The following NIPSNAP1 variants were observed in gnomAD, a reference collection of about 807,000 sequenced individuals.
NIPSNAP1 encodes nipsnap homolog 1.
NIPSNAP1 carries 25 observed loss-of-function variants against 49.2 expected under a neutral mutation model. The observed-to-expected ratio is 0.51, with a 90% CI of 0.37 to 0.71. The LOEUF (loss-of-function observed/expected upper bound fraction) is 0.71. Among genes scored for constraint, NIPSNAP1 ranks in the 30% least tolerant of loss-of-function variants. The pLI, the probability that NIPSNAP1 is intolerant of heterozygous loss-of-function variation, is 0.00. For missense variants in NIPSNAP1, 294 were observed against 361.0 expected, an observed-to-expected ratio of 0.81 and a Z score of 1.50; for synonymous variants, 143 against 140.7, an observed-to-expected ratio of 1.02 and a Z score of -0.12.
intron 1 of NIPSNAP1, among the ~76,000 whole-genome samples, chr22:29,574,554 G>A (rs768743254): frequency 3.3e-5 from 5 of 151,834 alleles, no homozygotes; most frequent in African/African-American, 2.4e-5. Flanking sequence ...CGAGGCGGGC[G>A]GATTGCCTGA....
chr22:29,580,101 C>A (rs1040049646), intron 1 of NIPSNAP1: 1 of 1,304,122 alleles, frequency 7.7e-7, no homozygotes, highest in South Asian at 1.2e-5. Context: ...GGCCTCACTT[C>A]TTTGGTAAAT....
intron 1 of NIPSNAP1, among the ~76,000 whole-genome samples, chr22:29,576,615 G>C (rs2064454257): frequency 6.6e-6 from 1 of 151,232 alleles, no homozygotes; most frequent in Non-Finnish European, 1.5e-5. Context: ...AAGCTGAAAA[G>C]TATGAAACAA....
At chr22:29,561,721 G>T in intron 5 of NIPSNAP1, 71 bp downstream of exon 5, 1 of 1,613,488 alleles carries the variant, frequency 6.2e-7, no homozygotes, top group Non-Finnish European at 8.5e-7. Context: ...TGGGGTAGCA[G>T]AGTAGTCCCC....
chr22:29,568,470 G>A (rs1029349566), intron 4 of NIPSNAP1, among the ~76,000 whole-genome samples: 5 of 133,764 alleles, frequency 3.7e-5, no homozygotes, highest in Admixed American at 3.3e-4. Flanking sequence ...GTGACAGAGC[G>A]AGACCCTGTC....
Position 29,569,354 on chromosome 22 carries a change from A to G in NIPSNAP1, c.273-67T>C, listed in dbSNP as rs990927073. The G allele has an allele frequency of 8.2e-6, 10 of 1,214,676 alleles. No individual in the cohort carries two copies. In the African/African-American group the frequency reaches 1.5e-4, roughly 18 times the overall value. The allele number at this position is 1,214,676 out of a possible 1,614,324, so 75.2% of individuals were successfully genotyped here. A position where few individuals can be genotyped will look rare whatever the true frequency, so the allele number is the denominator to read the frequency against. On this transcript the variant is annotated intron_variant, in intron 3 of 9. Transcript: ENST00000216121. ...CCAGGGCCTCTGAGATAAGGGTTCA[A>G]ACTCAGTTCAAACAGACCCTGGGGC...
At chr22:29,558,672 TATC>T (rs1259777737) in intron 9 of NIPSNAP1, among the ~76,000 whole-genome samples, 195 bp downstream of exon 9, 1 of 152,060 alleles carries the variant, frequency 6.6e-6, no homozygotes, top group African/African-American at 2.4e-5. Flanking sequence ...CTGGCTATGT[TATC>T]ATCCCCTAGA....
intron 7 of NIPSNAP1, 77 bp from the exon 8 acceptor site, chr22:29,560,905 T>C: frequency 2.2e-6 from 3 of 1,358,946 alleles, no homozygotes; most frequent in Non-Finnish European, 3.2e-6. Flanking sequence ...TTGGCCACAC[T>C]TCACAGGAGG....
chr22:29,573,320 C>T (rs572633594), intron 1 of NIPSNAP1, among the ~76,000 whole-genome samples: 1 of 152,154 alleles, frequency 6.6e-6, no homozygotes, highest in South Asian at 2.1e-4. Context: ...CAAGCATGAG[C>T]CACTGCGCTG....
At chr22:29,565,950 A>C (rs2146607384) in intron 4 of NIPSNAP1, among the ~76,000 whole-genome samples, 1 of 152,344 alleles carries the variant, frequency 6.6e-6, no homozygotes, top group East Asian at 1.9e-4. Context: ...CAAAGGATGA[A>C]ATAGATTGGC....
chr22:29,556,026 A>C lies in NIPSNAP1; in HGVS notation c.791-27T>G, dbSNP rs548223685. 17 of 1,539,586 alleles carry C rather than the reference A, an allele frequency of 1.1e-5. No individual in the cohort carries two copies. In the South Asian group the frequency reaches 1.9e-4, roughly 17 times the overall value. On this transcript the variant is annotated intron_variant, in intron 9 of 9. Transcript: ENST00000216121. ...TGCGGAGAGAGAAGGCAGAGGTCAC[A>C]CAGGGGGCTCAAGCAAGCCAACAAC...
chr22:29,577,013 T>C (rs1455951910), intron 1 of NIPSNAP1, among the ~76,000 whole-genome samples: 1 of 151,100 alleles, frequency 6.6e-6, no homozygotes, highest in African/African-American at 2.5e-5. Context: ...ACAGCAGAAC[T>C]AGTGCTTATG....
chr22:29,579,884 C>T (rs898354330), intron 1 of NIPSNAP1: 11 of 357,164 alleles, frequency 3.1e-5, no homozygotes, highest in Non-Finnish European at 5.5e-5. Context: ...TAGGCTTTTC[C>T]CACGGTGTCA....
chr22:29,573,129 C>T (rs766288958), intron 1 of NIPSNAP1, among the ~76,000 whole-genome samples: 3 of 152,054 alleles, frequency 2.0e-5, no homozygotes, highest in Non-Finnish European at 4.4e-5. Flanking sequence ...CTCCACCTCC[C>T]GGGTTCAAGT....
chr22:29,564,309 T>G (rs1482322814), intron 4 of NIPSNAP1: 1 of 470,366 alleles, frequency 2.1e-6, no homozygotes, highest in African/African-American at 2.0e-5. Flanking sequence ...TTTAAAGGTC[T>G]TTTTCCCAAA....
chr22:29,579,529 C>T (rs1601500061), intron 1 of NIPSNAP1, among the ~76,000 whole-genome samples: 1 of 151,864 alleles, frequency 6.6e-6, no homozygotes, highest in South Asian at 2.1e-4. Flanking sequence ...ATCTCCTGAC[C>T]TCGTGATCCA....
At chr22:29,571,994 CT>C (rs2146613104) in intron 1 of NIPSNAP1, among the ~76,000 whole-genome samples, 1 of 152,204 alleles carries the variant, frequency 6.6e-6, no homozygotes, top group African/African-American at 2.4e-5. Context: ...CTTTTTAAGA[CT>C]TTTATGTGGT....
chr22:29,558,952 G>T lies in NIPSNAP1; in HGVS notation c.708C>A (p.Ala236=). 1 of 1,612,254 alleles carries T rather than the reference G, an allele frequency of 6.2e-7. No individual in the cohort carries two copies. The highest frequency in any genetic ancestry group is 1.7e-5 in the Admixed American group (1 of 60,014). Residue 236 remains alanine, a splice_region_variant and synonymous_variant, in exon 9 of 10, where the codon GCC becomes GCA. Coordinates refer to ENST00000216121, the MANE Select transcript of NIPSNAP1 (RefSeq NM_003634.4). ...GELYVVHHLW[A]YKDLQSREET... is the part of the protein sequence containing the mutation. ...CCTCCCGAGACTGCAGGTCTTTATA[G>T]GCTGTGAGAAAGGCACAGGCTCATT...
intron 1 of NIPSNAP1, among the ~76,000 whole-genome samples, chr22:29,570,817 T>TC (rs1443947703): frequency 1.3e-5 from 2 of 151,846 alleles, no homozygotes; most frequent in Non-Finnish European, 2.9e-5. Flanking sequence ...CTCCACTTCA[T>TC]CCCCCTTCCA....
chr22:29,556,045 C>T, intron 9 of NIPSNAP1, 46 bp from the exon 10 acceptor site: 1 of 1,515,702 alleles, frequency 6.6e-7, no homozygotes, highest in Non-Finnish European at 9.0e-7. Flanking sequence ...TCAAGCAAGC[C>T]AACAACCTCC....
Sources: gnomAD v4.1 joint callset for allele counts (sites outside exome capture counted in the v4.1 genomes callset) on GRCh38, gnomAD v4.1.1 for gene constraint, MANE v1.5 for transcripts, NCBI Gene and HGNC (gene_info 2026-07-23, HGNC 2026-07-21) for gene names.